The following FAM107B variants were observed in gnomAD, a reference collection of about 807,000 sequenced individuals.
The protein encoded by FAM107B is family with sequence similarity 107 member B, also known as protein FAM107B.
A neutral mutation model predicts 31.5 loss-of-function variants in FAM107B; 21 were observed. That is an observed-to-expected ratio of 0.67 (90% confidence interval 0.47 to 0.96). The LOEUF is 0.96. Ranked by LOEUF, FAM107B falls within the 40% of genes least tolerant of loss-of-function variation. The pLI is 0.00. For missense variants in FAM107B, 452 were observed against 377.1 expected, an observed-to-expected ratio of 1.20 and a Z score of -1.64; for synonymous variants, 157 against 141.5, an observed-to-expected ratio of 1.11 and a Z score of -0.78.
intron 1 of FAM107B, among the ~76,000 whole-genome samples, chr10:14,750,272 G>A (rs942096403): frequency 2.6e-5 from 4 of 152,200 alleles, no homozygotes; most frequent in South Asian, 2.1e-4. Flanking sequence ...GAGCCACATC[G>A]TAACGGAAAG....
chr10:14,697,698 G>A (rs892150742), intron 1 of FAM107B, among the ~76,000 whole-genome samples: 7 of 152,098 alleles, frequency 4.6e-5, no homozygotes, highest in South Asian at 2.1e-4. Flanking sequence ...CTGTCTCCTC[G>A]TGCACATGGA....
chr10:14,743,327 A>G (rs964229838), intron 1 of FAM107B, among the ~76,000 whole-genome samples: 15 of 152,132 alleles, frequency 9.9e-5, no homozygotes, highest in African/African-American at 3.4e-4. Flanking sequence ...CTCTGATGAT[A>G]GTTTCTTTTG....
intron 2 of FAM107B, among the ~76,000 whole-genome samples, chr10:14,576,011 C>T (rs1173473031): frequency 6.6e-6 from 1 of 152,156 alleles, no homozygotes; most frequent in Non-Finnish European, 1.5e-5. Flanking sequence ...AAGTACTGTA[C>T]GATTCCATTT....
rs1357517892 is a variant in FAM107B, at chr10:14,521,317, T to G, written c.805-11A>C. On this transcript the variant is annotated splice_polypyrimidine_tract_variant and intron_variant, in intron 4 of 4. Coordinates refer to ENST00000181796, the MANE Select transcript of FAM107B (RefSeq NM_031453.4). Reference sequence around the variant, plus strand: ...CTTCTCAAGTTCAAGCTAAATGACATTCAGAAAAGGAAAAATTATTTACAA... The same window carrying G: ...CTTCTCAAGTTCAAGCTAAATGACAGTCAGAAAAGGAAAAATTATTTACAA... 2.5e-6 allele frequency: 4 copies of G among 1,607,576 alleles called. No homozygotes were observed. Among genetic ancestry groups the G allele is most frequent in the Non-Finnish European group, 3.4e-6 (4 of 1,175,142 alleles).
intron 2 of FAM107B, among the ~76,000 whole-genome samples, chr10:14,638,222 A>G (rs1026666646): frequency 6.7e-6 from 1 of 149,358 alleles, no homozygotes; most frequent in African/African-American, 2.5e-5. Flanking sequence ...AATTTCTATT[A>G]TTTTCTTTAA....
intron 2 of FAM107B, among the ~76,000 whole-genome samples, chr10:14,563,682 C>T (rs890034979): frequency 3.3e-5 from 5 of 152,112 alleles, no homozygotes; most frequent in African/African-American, 7.2e-5. Flanking sequence ...GAAGAATGTC[C>T]GTAATTATCT....
chr10:14,675,236 G>A lies in FAM107B; in HGVS notation c.412-7545C>T, dbSNP rs140638414. Among the ~76,000 whole-genome samples, 14 of 152,274 alleles carry A rather than the reference G, an allele frequency of 9.2e-5. No individual in the cohort carries two copies. The East Asian group carries it at 1.9e-3, about 21-fold the overall frequency. On this transcript the variant is annotated intron_variant, in intron 1 of 4. Coordinates refer to ENST00000181796, the MANE Select transcript of FAM107B (RefSeq NM_031453.4). The stretch of plus-strand genomic sequence containing the variant: ...TCCTCTCCATGGGAATAAGCTGGGC[G>A]TTGGGAACTCCTTTCCCAATTTTAT...
chr10:14,660,413 A>G (rs1237547513), intron 2 of FAM107B, among the ~76,000 whole-genome samples: 2 of 152,250 alleles, frequency 1.3e-5, no homozygotes, highest in African/African-American at 2.4e-5. Context: ...AAAAAGAATT[A>G]TCTCAAGAAA....
At chr10:14,707,171 A>C (rs1406519274) in intron 1 of FAM107B, among the ~76,000 whole-genome samples, 2 of 152,108 alleles carry the variant, frequency 1.3e-5, no homozygotes, top group Non-Finnish European at 1.5e-5. Flanking sequence ...ACAACAAAAC[A>C]AAACAAAAAA....
intron 1 of FAM107B, among the ~76,000 whole-genome samples, chr10:14,679,145 T>C (rs556026890): frequency 6.6e-5 from 10 of 152,132 alleles, no homozygotes; most frequent in South Asian, 4.2e-4. Context: ...TCCTTTTTTT[T>C]TGGAGAGAGG....
intron 2 of FAM107B, among the ~76,000 whole-genome samples, chr10:14,536,991 T>C (rs950521794): frequency 6.6e-6 from 1 of 152,106 alleles, no homozygotes; most frequent in Non-Finnish European, 1.5e-5. Context: ...ATTTAGAAAA[T>C]GGCAGAGGAG....
rs1343977248 is a variant in FAM107B at position 14,762,752 on chromosome 10, TCTCACACACACACACA to T, written c.411+11485_411+11500del. Among the ~76,000 whole-genome samples the T allele has an allele frequency of 3.8e-3, 452 of 117,568 alleles. 7 individuals carry two copies. Among genetic ancestry groups the T allele is most frequent in the African/African-American group, 0.011 (351 of 31,696 alleles). The allele number at this position is 117,568 out of a possible 152,430, so 77.1% of individuals were successfully genotyped here. ...GCCTGGGAGACAGAGTGAAACTCTG[TCTCACACACACACACA>T]CACACACACACACACACACACACAC... On this transcript the variant is annotated intron_variant, in intron 1 of 4. Coordinates refer to ENST00000181796, the MANE Select transcript of FAM107B (RefSeq NM_031453.4).
At chr10:14,593,036 G>T (rs529400171) in intron 2 of FAM107B, among the ~76,000 whole-genome samples, 3 of 152,278 alleles carry the variant, frequency 2.0e-5, no homozygotes, top group South Asian at 4.1e-4. Context: ...CATTTCAAAG[G>T]CCCACCATTC....
intron 1 of FAM107B, among the ~76,000 whole-genome samples, chr10:14,772,362 A>AAAAATATAT (rs10651238): frequency 6.2e-5 from 9 of 145,638 alleles, no homozygotes; most frequent in African/African-American, 2.1e-4. Context: ...TTAAAAAAAA[A>AAAAATATAT]ATATATATAT....
intron 1 of FAM107B, among the ~76,000 whole-genome samples, chr10:14,754,652 C>T (rs942533729): frequency 9.9e-5 from 15 of 152,142 alleles, no homozygotes; most frequent in Non-Finnish European, 1.5e-4. Flanking sequence ...AGCTGGTCTT[C>T]GGTGCCATCT....
intron 2 of FAM107B, among the ~76,000 whole-genome samples, chr10:14,622,962 C>G (rs987156991): frequency 6.6e-6 from 1 of 152,116 alleles, no homozygotes; most frequent in Admixed American, 6.5e-5. Flanking sequence ...CAAAGGGGAA[C>G]AGGAATGTGG....
chr10:14,597,088 A>C (rs1288837557), intron 2 of FAM107B, among the ~76,000 whole-genome samples: 3 of 152,222 alleles, frequency 2.0e-5, no homozygotes, highest in African/African-American at 7.2e-5. Flanking sequence ...AAAAGAAAAA[A>C]TGAAAAAGAA....
intron 2 of FAM107B, among the ~76,000 whole-genome samples, chr10:14,584,290 T>C (rs951960336): frequency 3.3e-5 from 5 of 152,170 alleles, no homozygotes; most frequent in African/African-American, 1.2e-4. Context: ...CAAGGGTCCC[T>C]GTCCTCAGAG....
At chr10:14,637,141 T>C (rs1853520194) in intron 2 of FAM107B, among the ~76,000 whole-genome samples, 1 of 152,134 alleles carries the variant, frequency 6.6e-6, no homozygotes, top group African/African-American at 2.4e-5. Flanking sequence ...TGTCTCCCTT[T>C]TAACAAGAGT....
Sources: allele counts gnomAD v4.1 joint callset (sites outside exome capture counted in the v4.1 genomes callset), GRCh38; gene constraint gnomAD v4.1.1; transcripts MANE v1.5; gene names NCBI Gene and HGNC (gene_info 2026-07-23, HGNC 2026-07-21).